SORCS2: variants seen among roughly 807,000 people sequenced by gnomAD.
The protein encoded by SORCS2 is sortilin related VPS10 domain containing receptor 2, also known as VPS10 domain-containing receptor SorCS2.
SORCS2 carries 100 observed loss-of-function variants against 141.6 expected under a neutral mutation model. That is an observed-to-expected ratio of 0.71 (90% confidence interval 0.60 to 0.83). The LOEUF is 0.83. Among genes scored for constraint, SORCS2 ranks in the 40% least tolerant of loss-of-function variants. The pLI, the probability that SORCS2 is intolerant of heterozygous loss-of-function variation, is 0.00. For synonymous variants in SORCS2, 789 were observed against 676.9 expected (o/e 1.17, Z -2.57); for missense variants, 1,646 against 1,560.2 (o/e 1.05, Z -0.93).
At chr4:7,411,831 C>T (rs781048926) in intron 2 of SORCS2, among the ~76,000 whole-genome samples, 1 of 152,142 alleles carries the variant, frequency 6.6e-6, no homozygotes, top group East Asian at 1.9e-4. Context: ...AAGTGGTAGT[C>T]ATGTAAGACT....
At chr4:7,669,056 T>C (rs17381494) in intron 8 of SORCS2, among the ~76,000 whole-genome samples, 4,230 of 152,360 alleles carry the variant, frequency 0.028, 98 homozygotes, top group Non-Finnish European at 0.046. Context: ...GACCTGCAGA[T>C]GCAATGTCAG....
chr4:7,210,978 T>G (rs1302945884), intron 1 of SORCS2, among the ~76,000 whole-genome samples: 3 of 152,194 alleles, frequency 2.0e-5, no homozygotes, highest in Non-Finnish European at 4.4e-5. Flanking sequence ...TGACCTGGCC[T>G]GGGTGGAGTG....
intron 14 of SORCS2, among the ~76,000 whole-genome samples, chr4:7,709,272 C>T (rs778744289): frequency 2.9e-4 from 44 of 152,314 alleles, no homozygotes; most frequent in African/African-American, 7.9e-4. Flanking sequence ...CCTCAGCTTA[C>T]CTGGCCAAGA....
intron 1 of SORCS2, among the ~76,000 whole-genome samples, chr4:7,215,775 A>G (rs1289706268): frequency 6.6e-6 from 1 of 152,096 alleles, no homozygotes; most frequent in Non-Finnish European, 1.5e-5. Flanking sequence ...GGTCTTGGAG[A>G]ACCTGTGTGT....
At chr4:7,403,961 GTATATATATATATA>G (rs71635960) in intron 2 of SORCS2, among the ~76,000 whole-genome samples, 5,350 of 29,828 alleles carry the variant, frequency 0.18, 386 homozygotes, top group South Asian at 0.41. Context: ...CTCCATGTGT[GTATATATATATATA>G]TATATATATA....
chr4:7,733,205 C>A (rs973808142), intron 23 of SORCS2, 117 bp from the exon 24 acceptor site: 2 of 300,562 alleles, frequency 6.7e-6, no homozygotes, highest in Non-Finnish European at 1.1e-5. Flanking sequence ...TGGTAGAAGA[C>A]CCCCCCAACA....
intron 2 of SORCS2, among the ~76,000 whole-genome samples, chr4:7,494,529 A>G (rs80112351): frequency 4.8e-5 from 3 of 62,864 alleles, no homozygotes; most frequent in African/African-American, 8.8e-5. Context: ...GAGAGAGAGA[A>G]AGCTCTCTGG....
intron 1 of SORCS2, among the ~76,000 whole-genome samples, chr4:7,335,790 G>A (rs1044273404): frequency 5.3e-5 from 8 of 152,218 alleles, no homozygotes; most frequent in African/African-American, 1.7e-4. Context: ...GTGGCGTGGC[G>A]ACTGGAACAG....
At chr4:7,724,469 T>G (rs1726916452) in intron 19 of SORCS2, among the ~76,000 whole-genome samples, 1 of 64,320 alleles carries the variant, frequency 1.6e-5, no homozygotes, top group Non-Finnish European at 2.7e-5. Flanking sequence ...GTGGTGGTGA[T>G]GGTGATGGTG....
rs568278438 is a variant in SORCS2 at position 7,381,986 on chromosome 4, C to G, written c.481-14302C>G. The G allele has an allele frequency of 8.1e-5, 80 of 985,698 alleles. No individual in the cohort carries two copies. The African/African-American group carries it at 1.3e-3, about 16-fold the overall frequency. The allele number at this position is 985,698 out of a possible 1,614,324, so 61.1% of individuals were successfully genotyped here. The stretch of plus-strand genomic sequence containing the variant: ...AGGCCTGTGGAGTCTCCAGAGGAAA[C>G]AGGCAGGTGAACAGGACCAGGGACA... On this transcript the variant is annotated intron_variant, in intron 1 of 26. Coordinates refer to ENST00000507866, the MANE Select transcript of SORCS2 (RefSeq NM_020777.3).
chr4:7,475,548 C>A (rs1390057231), intron 2 of SORCS2, among the ~76,000 whole-genome samples: 1 of 152,212 alleles, frequency 6.6e-6, no homozygotes, highest in Non-Finnish European at 1.5e-5. Flanking sequence ...CCAGCTGCCC[C>A]CCTCCTGCCA....
intron 1 of SORCS2, among the ~76,000 whole-genome samples, chr4:7,260,528 G>GGAAT (rs953337331): frequency 1.3e-5 from 2 of 152,276 alleles, no homozygotes; most frequent in African/African-American, 2.4e-5. Context: ...AGTTGTTTGT[G>GGAAT]GAATGAATGA....
chr4:7,225,370 ACCGGAATC>A (rs1402564350), intron 1 of SORCS2, among the ~76,000 whole-genome samples: 4 of 152,254 alleles, frequency 2.6e-5, no homozygotes, highest in African/African-American at 9.6e-5. Context: ...CTCAGAGCAG[ACCGGAATC>A]GTTCTCTGTT....
intron 2 of SORCS2, among the ~76,000 whole-genome samples, chr4:7,417,907 T>C (rs1725800797): frequency 6.6e-6 from 1 of 152,096 alleles, no homozygotes; most frequent in East Asian, 1.9e-4. Flanking sequence ...GGCAACAAGT[T>C]TTCAGTTGAT....
At chr4:7,669,318 C>T (rs1187046606) in intron 8 of SORCS2, among the ~76,000 whole-genome samples, 2 of 152,198 alleles carry the variant, frequency 1.3e-5, no homozygotes, top group African/African-American at 4.8e-5. Flanking sequence ...GGTCCATGCA[C>T]AGGACCCAGT....
At chr4:7,391,990 C>T (rs1391517664) in intron 1 of SORCS2, among the ~76,000 whole-genome samples, 2 of 152,194 alleles carry the variant, frequency 1.3e-5, no homozygotes, top group Non-Finnish European at 2.9e-5. Context: ...CCGGACCGGC[C>T]CTGTTATTTA....
intron 3 of SORCS2, among the ~76,000 whole-genome samples, chr4:7,566,170 G>T (rs1276996653): frequency 7.0e-6 from 1 of 141,938 alleles, no homozygotes; most frequent in African/African-American, 2.5e-5. Flanking sequence ...ATTGGTGATG[G>T]TGATGGTAGT....
intron 1 of SORCS2, among the ~76,000 whole-genome samples, chr4:7,265,259 G>A (rs193292044): frequency 6.5e-4 from 99 of 152,284 alleles, no homozygotes; most frequent in Middle Eastern, 3.4e-3. Flanking sequence ...TTGGGAGGCC[G>A]AGGCAGGTGG....
At chr4:7,320,915 CCT>C (rs1260271244) in intron 1 of SORCS2, among the ~76,000 whole-genome samples, 1 of 122,382 alleles carries the variant, frequency 8.2e-6, no homozygotes, top group Non-Finnish European at 1.6e-5. Flanking sequence ...TTCCTTCTTT[CCT>C]CTTTCTCCTT....
Sources: gnomAD v4.1 joint callset for allele counts (sites outside exome capture counted in the v4.1 genomes callset) on GRCh38, gnomAD v4.1.1 for gene constraint, MANE v1.5 for transcripts, NCBI Gene and HGNC (gene_info 2026-07-23, HGNC 2026-07-21) for gene names.